The following ZHX2 variants were observed in gnomAD, a reference collection of about 807,000 sequenced individuals.
The protein encoded by ZHX2 is zinc fingers and homeoboxes 2.
In ZHX2, 6 loss-of-function variants were observed where a neutral mutation model predicts 21.9. The ratio of observed to expected loss-of-function variants is 0.27; its 90% CI spans 0.15 to 0.54. The LOEUF (loss-of-function observed/expected upper bound fraction) is 0.54. Ranked by LOEUF, ZHX2 falls within the 20% of genes least tolerant of loss-of-function variation. ZHX2 has a pLI of 0.95. For synonymous variants in ZHX2, 434 were observed against 437.1 expected, an observed-to-expected ratio of 0.99 and a Z score of 0.09; for missense variants, 908 against 1,090.7, an observed-to-expected ratio of 0.83 and a Z score of 2.36.
intron 1 of ZHX2, among the ~76,000 whole-genome samples, chr8:122,831,174 A>G (rs1444843297): frequency 1.3e-5 from 2 of 152,210 alleles, no homozygotes; most frequent in Admixed American, 1.3e-4. Context: ...GAGAAAGTAC[A>G]GACAAAGACT....
At chr8:122,783,904 C>T (rs1393507591) in intron 1 of ZHX2, among the ~76,000 whole-genome samples, 1 of 152,208 alleles carries the variant, frequency 6.6e-6, no homozygotes, top group Admixed American at 6.5e-5. Context: ...GAAATATCAT[C>T]GCTGTTTAAA....
intron 1 of ZHX2, among the ~76,000 whole-genome samples, chr8:122,807,355 G>A (rs1479636709): frequency 6.6e-6 from 1 of 152,206 alleles, no homozygotes; most frequent in Non-Finnish European, 1.5e-5. Flanking sequence ...TTACATATTT[G>A]TTGACTCAGG....
intron 2 of ZHX2, among the ~76,000 whole-genome samples, chr8:122,943,057 T>G (rs889093539): frequency 3.3e-5 from 5 of 151,716 alleles, no homozygotes; most frequent in Non-Finnish European, 5.9e-5. Flanking sequence ...AGGTCAGGAG[T>G]TCGAGACCAG....
intron 1 of ZHX2, among the ~76,000 whole-genome samples, chr8:122,783,252 C>A (rs1017501603): frequency 6.6e-6 from 1 of 152,148 alleles, no homozygotes; most frequent in Non-Finnish European, 1.5e-5. Flanking sequence ...TGAATAAGGA[C>A]TTTCCCTCGA....
At chr8:122,800,722 T>C in intron 1 of ZHX2, among the ~76,000 whole-genome samples, 1 of 152,050 alleles carries the variant, frequency 6.6e-6, no homozygotes, top group Non-Finnish European at 1.5e-5. Context: ...ATAGCTGTGG[T>C]CACTGAAAAG....
At chr8:122,784,797 C>T (rs59227744) in intron 1 of ZHX2, among the ~76,000 whole-genome samples, 6,058 of 152,308 alleles carry the variant, frequency 0.04, 404 homozygotes, top group African/African-American at 0.14. Context: ...TGAGGAGGCA[C>T]AAGCCCAGGT....
chr8:122,802,108 C>T (rs975382239), intron 1 of ZHX2, among the ~76,000 whole-genome samples: 17 of 152,214 alleles, frequency 1.1e-4, no homozygotes, highest in African/African-American at 3.1e-4. Flanking sequence ...CTGTCATCCA[C>T]GCTGGAGTGC....
intron 1 of ZHX2, among the ~76,000 whole-genome samples, chr8:122,785,603 T>A (rs967558993): frequency 1.3e-5 from 2 of 152,252 alleles, no homozygotes; most frequent in Admixed American, 1.3e-4. Flanking sequence ...ACATGGTGAC[T>A]ACTGCCAGGG....
At chr8:122,784,126 T>G (rs1817348368) in intron 1 of ZHX2, among the ~76,000 whole-genome samples, 1 of 152,238 alleles carries the variant, frequency 6.6e-6, no homozygotes, top group Non-Finnish European at 1.5e-5. Context: ...TCCTGTGATG[T>G]AAGTGCAGTG....
At chr8:122,823,377 A>G (rs1818196476) in intron 1 of ZHX2, among the ~76,000 whole-genome samples, 1 of 152,132 alleles carries the variant, frequency 6.6e-6, no homozygotes, top group African/African-American at 2.4e-5. Flanking sequence ...GGTTAAATGT[A>G]CTCTCCATCT....
intron 1 of ZHX2, among the ~76,000 whole-genome samples, chr8:122,843,192 C>T (rs1044280207): frequency 2.6e-5 from 4 of 152,202 alleles, no homozygotes; most frequent in Admixed American, 1.3e-4. Flanking sequence ...TGTTACATGC[C>T]AGACTCTGTG....
chr8:122,961,490 T>C (rs992433324), intron 3 of ZHX2, among the ~76,000 whole-genome samples: 18 of 152,218 alleles, frequency 1.2e-4, no homozygotes, highest in African/African-American at 4.1e-4. Flanking sequence ...TTCATACTGC[T>C]ATAAAGAACT....
At chr8:122,819,057 A>G (rs1402897416) in intron 1 of ZHX2, among the ~76,000 whole-genome samples, 1 of 152,180 alleles carries the variant, frequency 6.6e-6, no homozygotes, top group Non-Finnish European at 1.5e-5. Context: ...ACGAAGAGAG[A>G]AGGCATTAAG....
At chr8:122,878,342 G>A (rs1213409459) in intron 2 of ZHX2, among the ~76,000 whole-genome samples, 1 of 152,182 alleles carries the variant, frequency 6.6e-6, no homozygotes, top group African/African-American at 2.4e-5. Context: ...ACAGGGTTCA[G>A]TTGATCTCAG....
At chr8:122,789,455 T>A (rs1450078138) in intron 1 of ZHX2, among the ~76,000 whole-genome samples, 1 of 152,246 alleles carries the variant, frequency 6.6e-6, no homozygotes, top group Non-Finnish European at 1.5e-5. Flanking sequence ...TTAGAACTTA[T>A]TTTCATTTGC....
chr8:122,876,503 C>A (rs1819575996), intron 2 of ZHX2, among the ~76,000 whole-genome samples: 1 of 152,168 alleles, frequency 6.6e-6, no homozygotes, highest in Non-Finnish European at 1.5e-5. Context: ...ATGAAGCCAT[C>A]AGTTTCCCCT....
intron 1 of ZHX2, among the ~76,000 whole-genome samples, chr8:122,820,259 C>T (rs1322325439): frequency 1.3e-5 from 2 of 152,158 alleles, no homozygotes; most frequent in Admixed American, 1.3e-4. Context: ...GCTGTGGCCT[C>T]CTCGCAGGCC....
At chr8:122,921,455 TC>T (rs1390799874) in intron 2 of ZHX2, among the ~76,000 whole-genome samples, 1 of 151,980 alleles carries the variant, frequency 6.6e-6, no homozygotes, top group Non-Finnish European at 1.5e-5. Flanking sequence ...TTCTTTCCCA[TC>T]CCCACCACCG....
In ZHX2 at chr8:122,947,092, C is replaced by CAAAAAAA. The variant is rs57090731; in HGVS notation, c.-219-4182_-219-4176dup. Among the ~76,000 whole-genome samples the CAAAAAAA allele has an allele frequency of 7.1e-4, 48 of 67,274 alleles. 1 individual carries two copies. The highest frequency in any genetic ancestry group is 4.0e-3 in the Admixed American group (22 of 5,556). The allele number at this position is 67,274 out of a possible 152,430, so 44.1% of individuals were successfully genotyped here. On this transcript the variant is annotated intron_variant, in intron 2 of 3. Coordinates refer to ENST00000314393, the MANE Select transcript of ZHX2 (RefSeq NM_014943.5). Reference sequence around the variant, plus strand: ...GCAACAGGGTGAAATCCTGTCTTTGCAAAAAAAAAAAAAAAAAAAAAAAAT... The same window carrying CAAAAAAA: ...GCAACAGGGTGAAATCCTGTCTTTGCAAAAAAAAAAAAAAAAAAAAAAAAAAAAAAAT...
Sources: gnomAD v4.1 joint callset for allele counts (sites outside exome capture counted in the v4.1 genomes callset) on GRCh38, gnomAD v4.1.1 for gene constraint, MANE v1.5 for transcripts, NCBI Gene and HGNC (gene_info 2026-07-23, HGNC 2026-07-21) for gene names.